FARP1: variants seen among roughly 807,000 people sequenced by gnomAD.
FARP1 encodes FERM, ARH/RhoGEF and pleckstrin domain protein 1, also known as FERM, ARHGEF and pleckstrin domain-containing protein 1.
In FARP1, 52 loss-of-function variants were observed where a neutral mutation model predicts 128.8. That is an observed-to-expected ratio of 0.40 (90% CI 0.32 to 0.51). The LOEUF (loss-of-function observed/expected upper bound fraction) is 0.51, where lower values mean the gene tolerates loss of function less well. Ranked by LOEUF, FARP1 falls within the 20% of genes least tolerant of loss-of-function variation. FARP1 has a pLI of 0.45. For missense variants in FARP1, 1,333 were observed against 1,367.9 expected (o/e 0.97, Z 0.40); for synonymous variants, 580 against 551.8 (o/e 1.05, Z -0.72).
chr13:98,256,111 C>T (rs1478064102), intron 2 of FARP1, among the ~76,000 whole-genome samples: 1 of 152,182 alleles, frequency 6.6e-6, no homozygotes, highest in Non-Finnish European at 1.5e-5. Flanking sequence ...ATGAAATGCC[C>T]ATCCAAAGAT....
intron 26 of FARP1, 182 bp downstream of exon 26, chr13:98,446,999 G>GTCCCAACT: frequency 1.6e-6 from 1 of 626,272 alleles, no homozygotes; most frequent in Non-Finnish European, 2.8e-6. Flanking sequence ...AGAAAGTGGG[G>GTCCCAACT]TCCCAACTTC....
At chr13:98,358,698 C>G (rs144330034) in intron 3 of FARP1, among the ~76,000 whole-genome samples, 1 of 151,936 alleles carries the variant, frequency 6.6e-6, no homozygotes, top group Non-Finnish European at 1.5e-5. Flanking sequence ...TGCAATGGCG[C>G]GATCTTGGCT....
intron 11 of FARP1, among the ~76,000 whole-genome samples, chr13:98,391,801 C>T (rs918283639): frequency 2.6e-5 from 4 of 152,160 alleles, no homozygotes; most frequent in Non-Finnish European, 5.9e-5. Context: ...TCTGGCCAGC[C>T]AGCCAGCTCC....
chr13:98,193,259 T>C (rs1393410345), intron 1 of FARP1, among the ~76,000 whole-genome samples: 2 of 152,170 alleles, frequency 1.3e-5, no homozygotes, highest in Non-Finnish European at 2.9e-5. Context: ...GGTTTCACCA[T>C]ATTGGCCAGA....
intron 2 of FARP1, among the ~76,000 whole-genome samples, chr13:98,298,433 A>C (rs1885792696): frequency 6.6e-6 from 1 of 152,226 alleles, no homozygotes; most frequent in South Asian, 2.1e-4. Flanking sequence ...CCAAAGGTGC[A>C]GATAGAAACT....
At chr13:98,225,374 G>T (rs560631645) in intron 2 of FARP1, among the ~76,000 whole-genome samples, 1 of 152,084 alleles carries the variant, frequency 6.6e-6, no homozygotes, top group Non-Finnish European at 1.5e-5. Context: ...GCTTGGACTC[G>T]CACCATTCCT....
At chr13:98,246,040 G>A (rs1249332000) in intron 2 of FARP1, among the ~76,000 whole-genome samples, 4 of 144,638 alleles carry the variant, frequency 2.8e-5, no homozygotes, top group Admixed American at 1.4e-4. Context: ...GCCTCCCAAA[G>A]TGTTGGGATT....
At position 98,377,840 on chromosome 13, in the gene FARP1, G is replaced by T; in HGVS notation, c.418G>T (p.Val140Leu). ...ELTRYLFALQVKQDLAQGRLT... is the reference protein window; with the variant it reads ...ELTRYLFALQLKQDLAQGRLT... ...TCGCAGGTACCTGTTCGCGCTGCAG[G>T]TGAAGCAGGACTTGGCTCAAGGCAG... Residue 140 changes from valine (V) to leucine (L), a missense_variant, in exon 6 of 27, where the codon GTG (valine) becomes TTG (leucine). Around this residue, in one of 2 missense-constraint regions of FARP1, gnomAD observed 324 missense variants for 398.1 expected, o/e 0.81. Transcript: ENST00000319562. 1.9e-6 allele frequency: 3 copies of T among 1,613,990 alleles called. No individual in the cohort carries two copies. Among genetic ancestry groups the T allele is most frequent in the Non-Finnish European group, 2.5e-6 (3 of 1,179,876 alleles).
intron 24 of FARP1, among the ~76,000 whole-genome samples, chr13:98,444,848 T>C (rs1892723237): frequency 1.3e-5 from 2 of 152,182 alleles, no homozygotes. Flanking sequence ...CCTTGCTCCA[T>C]GTTGCGTGAC....
chr13:98,374,448 T>TA (rs1466219206), intron 5 of FARP1, among the ~76,000 whole-genome samples: 10 of 151,796 alleles, frequency 6.6e-5, no homozygotes, highest in African/African-American at 1.7e-4. Flanking sequence ...ATCAATCAAT[T>TA]AAAAAAAACA....
chr13:98,437,228 G>C (rs776560729), intron 19 of FARP1, among the ~76,000 whole-genome samples: 1 of 152,178 alleles, frequency 6.6e-6, no homozygotes. Flanking sequence ...CACACTGGCC[G>C]ATCAGGTGAT....
At chr13:98,440,640 A>G (rs376824478) in intron 23 of FARP1, 30 bp from the exon 24 acceptor site, 2 of 1,591,248 alleles carry the variant, frequency 1.3e-6, no homozygotes. Context: ...AGGAAAGATC[A>G]GAAGTGCTGC....
chr13:98,247,293 A>T (rs918667911), intron 2 of FARP1, among the ~76,000 whole-genome samples: 1 of 152,182 alleles, frequency 6.6e-6, no homozygotes, highest in African/African-American at 2.4e-5. Context: ...CGTGCCATCT[A>T]CCAATAGTGT....
At chr13:98,219,340 A>G (rs1881277467) in intron 2 of FARP1, among the ~76,000 whole-genome samples, 2 of 151,618 alleles carry the variant, frequency 1.3e-5, no homozygotes, top group South Asian at 2.1e-4. Context: ...GTCTTTGTCT[A>G]TATTTATTTA....
At chr13:98,395,900 T>C (rs1890520982) in intron 13 of FARP1, 2 of 399,956 alleles carry the variant, frequency 5.0e-6, no homozygotes, top group Admixed American at 8.7e-5. Context: ...AGTCCAAATA[T>C]GAGTTGGGAC....
intron 1 of FARP1, among the ~76,000 whole-genome samples, chr13:98,210,934 A>G (rs897151292): frequency 5.3e-5 from 8 of 152,050 alleles, no homozygotes; most frequent in African/African-American, 1.7e-4. Context: ...TTATAGCATC[A>G]CCTTTTGATT....
At position 98,365,894 on chromosome 13, in the gene FARP1, G is replaced by GGT. The variant is rs55871546; in HGVS notation, c.319+480_319+481dup. Among the ~76,000 whole-genome samples the GGT allele has an allele frequency of 6.5e-3, 969 of 148,358 alleles. 10 individuals carry two copies. The highest frequency in any genetic ancestry group is 0.012 in the South Asian group (57 of 4,704). ...AAAGTGTGAGTGTGTGTGTGTATGT[G>GGT]GTGTGTGTGTGTGTGTGTGTGTGTT... On this transcript the variant is annotated intron_variant, in intron 4 of 26. Coordinates refer to ENST00000319562, the MANE Select transcript of FARP1 (RefSeq NM_005766.4).
At chr13:98,343,137 T>C (rs552841417) in intron 2 of FARP1, among the ~76,000 whole-genome samples, 1 of 152,132 alleles carries the variant, frequency 6.6e-6, no homozygotes, top group Non-Finnish European at 1.5e-5. Flanking sequence ...CTAGATGACA[T>C]TCTGGGAAAG....
intron 2 of FARP1, among the ~76,000 whole-genome samples, chr13:98,247,990 A>G (rs964084224): frequency 2.1e-4 from 32 of 152,212 alleles, no homozygotes; most frequent in African/African-American, 7.5e-4. Context: ...CTAAGACCAG[A>G]AACACATCTC....
Sources: allele counts gnomAD v4.1 joint callset (sites outside exome capture counted in the v4.1 genomes callset), GRCh38; gene constraint gnomAD v4.1.1; regional missense constraint gnomAD v4.1.1; transcripts MANE v1.5; gene names NCBI Gene and HGNC (gene_info 2026-07-23, HGNC 2026-07-21).